Variants in TBC1D16 observed in about 807,000 individuals in gnomAD.
TBC1D16 encodes the protein CTD-2529O21.1.
TBC1D16 carries 58 observed loss-of-function variants against 74.7 expected under a neutral mutation model. The observed-to-expected ratio is 0.78, with a 90% CI of 0.63 to 0.97. The LOEUF is 0.97. TBC1D16 is among the 50% of genes least tolerant of loss of function. TBC1D16 has a pLI of 0.00. For missense variants in TBC1D16, 1,014 were observed against 1,079.5 expected (o/e 0.94, Z 0.85); for synonymous variants, 493 against 474.7 (o/e 1.04, Z -0.50).
In TBC1D16 at chr17:79,939,446, C is replaced by G. The variant is rs1205383241; in HGVS notation, c.*1413G>C. 1 of 152,224 alleles carries G rather than the reference C, an allele frequency of 6.6e-6. No individual in the cohort carries two copies. Among genetic ancestry groups the G allele is most frequent in the Admixed American group, 6.5e-5 (1 of 15,282 alleles). The allele number at this position is 152,224 out of a possible 1,614,324, so 9.4% of individuals were successfully genotyped here. ...GTGGCATGGCCCAGCAGTGCCCACCCTCCAGGGAGAAAAGCTTTGAGTGGG... is the reference window on the plus strand; with the variant it reads ...GTGGCATGGCCCAGCAGTGCCCACCGTCCAGGGAGAAAAGCTTTGAGTGGG... On this transcript the variant is annotated 3_prime_UTR_variant, in exon 12 of 12. Coordinates refer to ENST00000310924, the MANE Select transcript of TBC1D16 (RefSeq NM_019020.4).
rs1393317838 is a variant in TBC1D16 at position 79,942,119 on chromosome 17, T to C, written c.1996A>G (p.Met666Val). ...VIEQQLATDQ[M>V]LLHFGNLAMH... ...GCCAGGTTTCCGAAGTGCAGGAGCA[T>C]CTGGTCCGTGGCCAGCTGCTGCTCG... is the stretch of plus-strand genomic sequence containing the variant. Residue 666 changes from methionine (M) to valine (V), a missense_variant, in exon 11 of 12, where the codon ATG becomes GTG. Physicochemically the swap from Met to Val is conservative, Grantham distance 21 (BLOSUM62 1). Transcript: ENST00000310924. 3.7e-6 allele frequency: 6 copies of C among 1,611,928 alleles called. No homozygotes were observed. Among genetic ancestry groups the C allele is most frequent in the Non-Finnish European group, 5.1e-6 (6 of 1,179,586 alleles).
intron 7 of TBC1D16, among the ~76,000 whole-genome samples, chr17:79,949,454 G>T (rs1012623617): frequency 6.6e-6 from 1 of 152,236 alleles, no homozygotes; most frequent in African/African-American, 2.4e-5. Flanking sequence ...TGGGACGTCA[G>T]CGCCTAGTTA....
chr17:79,957,856 T>TAA (rs34391874), intron 3 of TBC1D16, among the ~76,000 whole-genome samples: 1 of 143,856 alleles, frequency 7.0e-6, no homozygotes, highest in African/African-American at 2.6e-5. Context: ...TAACATCTAT[T>TAA]AAAAAAAAAA....
In TBC1D16 at chr17:79,985,166, C is replaced by T. The variant is rs1434494509; in HGVS notation, c.779+24994G>A. Among the ~76,000 whole-genome samples the T allele has an allele frequency of 6.6e-6, 1 of 152,068 alleles. No homozygotes were observed. The highest frequency in any genetic ancestry group is 1.5e-5 in the Non-Finnish European group (1 of 68,022). ...GGTGCTCGTCCTGGATCCTGGAAGC[C>T]CCCAAGCCTGCAGCAGCATCACTCC... On this transcript the variant is annotated intron_variant, in intron 3 of 11. Transcript: ENST00000310924. The surrounding 1 kb of genome is among the most constrained non-coding windows in gnomAD (Gnocchi z 4.9).
Position 80,000,005 on chromosome 17 carries a change from A to G in TBC1D16, c.779+10155T>C, listed in dbSNP as rs1362646180. On this transcript the variant is annotated intron_variant, in intron 3 of 11. Coordinates refer to ENST00000310924, the MANE Select transcript of TBC1D16 (RefSeq NM_019020.4). This position sits in a 1 kb window ranked among gnomAD's most constrained non-coding sequence, Gnocchi z 4.1. Reference sequence around the variant, plus strand: ...GGCTGGGCCATGAGGAGCAACTGACATGACAGAAACAAGGAGTTTCTCAGG... The same window carrying G: ...GGCTGGGCCATGAGGAGCAACTGACGTGACAGAAACAAGGAGTTTCTCAGG... 6.6e-6 allele frequency among the ~76,000 whole-genome samples: 1 copy of G among 152,176 alleles called. No individual in the cohort carries two copies. Among genetic ancestry groups the G allele is most frequent in the Non-Finnish European group, 1.5e-5 (1 of 68,028 alleles).
At chr17:79,962,319 A>G (rs931128765) in intron 3 of TBC1D16, among the ~76,000 whole-genome samples, 1 of 144,626 alleles carries the variant, frequency 6.9e-6, no homozygotes, top group Non-Finnish European at 1.5e-5. Flanking sequence ...GACTCAAGCA[A>G]TTCTCCTGCC....
chr17:79,999,817 TA>T (rs1351027786), intron 3 of TBC1D16, among the ~76,000 whole-genome samples: 1 of 152,062 alleles, frequency 6.6e-6, no homozygotes, highest in Non-Finnish European at 1.5e-5. Context: ...GTGCTGGGAT[TA>T]CAGACCTGAG....
rs969581075 is a variant in TBC1D16, at chr17:79,980,592, T to C, written c.780-27774A>G. On this transcript the variant is annotated intron_variant, in intron 3 of 11. Coordinates refer to ENST00000310924, the MANE Select transcript of TBC1D16 (RefSeq NM_019020.4). This position sits in a 1 kb window ranked among gnomAD's most constrained non-coding sequence, Gnocchi z 7.0. The stretch of plus-strand genomic sequence containing the variant: ...ACTGTGGTGCAGACAGTGTAGGGAC[T>C]GGCGAAGAGACACAGTGGGTGGCAG... Among the ~76,000 whole-genome samples the C allele has an allele frequency of 1.3e-5, 2 of 152,126 alleles. No homozygotes were observed. The highest frequency in any genetic ancestry group is 2.4e-5 in the African/African-American group (1 of 41,410).
intron 7 of TBC1D16, 74 bp downstream of exon 7, chr17:79,949,643 C>T: frequency 1.9e-6 from 3 of 1,540,642 alleles, no homozygotes; most frequent in Non-Finnish European, 2.6e-6. Flanking sequence ...CTGAATTGCA[C>T]CTCAAATTGC....
At position 79,952,682 on chromosome 17, in the gene TBC1D16, T is replaced by C. The variant is rs771380419; in HGVS notation, c.916A>G (p.Met306Val). 2 of 1,602,850 alleles carry C rather than the reference T, an allele frequency of 1.2e-6. No homozygotes were observed. The highest frequency in any genetic ancestry group is 1.1e-5 in the South Asian group (1 of 90,668). The part of the protein sequence containing the change: ...CGVFRVDLGH[M>V]RSLRLFFSDE... ...CTGAAGAAAAGGCGGAGGGAGCGCA[T>C]GTGGCCCAGGTCCACGCGGAACACG... is the stretch of plus-strand genomic sequence containing the variant. The change falls in exon 4 of 12, where the codon ATG becomes GTG. Residue 306 changes from methionine (M) to valine (V), a missense_variant. By Grantham distance (21) the Met-to-Val change is conservative. Coordinates refer to ENST00000310924, the MANE Select transcript of TBC1D16 (RefSeq NM_019020.4).
rs137939108 is a variant in TBC1D16, at chr17:80,024,937, C to CA, written c.-63+10857_-63+10858insT. ...ACACCACACACCATAGACACACACA[C>CA]CACACACACCATAGACACACCACAC... On this transcript the variant is annotated intron_variant, in intron 1 of 11. Transcript: ENST00000310924. 5.0e-5 allele frequency among the ~76,000 whole-genome samples: 7 copies of CA among 140,804 alleles called. 1 individual carries two copies. The East Asian group carries it at 6.3e-4, about 13-fold the overall frequency. The allele number at this position is 140,804 out of a possible 152,430, so 92.4% of individuals were successfully genotyped here. A position where few individuals can be genotyped will look rare whatever the true frequency, so the allele number is the denominator to read the frequency against.
Position 79,980,743 on chromosome 17 carries a change from A to G in TBC1D16, c.780-27925T>C, listed in dbSNP as rs1448529404. 6.6e-6 allele frequency among the ~76,000 whole-genome samples: 1 copy of G among 152,184 alleles called. No individual in the cohort carries two copies. Among genetic ancestry groups the G allele is most frequent in the Non-Finnish European group, 1.5e-5 (1 of 68,030 alleles). Reference sequence around the variant, plus strand: ...TCGAACCGCCTCCGCGCACCCCAACAGCAGAGACGTAACGTGCAGGACTGA... The same window carrying G: ...TCGAACCGCCTCCGCGCACCCCAACGGCAGAGACGTAACGTGCAGGACTGA... On this transcript the variant is annotated intron_variant, in intron 3 of 11. Coordinates refer to ENST00000310924, the MANE Select transcript of TBC1D16 (RefSeq NM_019020.4). This position sits in a 1 kb window ranked among gnomAD's most constrained non-coding sequence, Gnocchi z 7.0.
chr17:80,034,088 G>A (rs11650664), intron 1 of TBC1D16, among the ~76,000 whole-genome samples: 35,848 of 152,158 alleles, frequency 0.24, 4,377 homozygotes, highest in African/African-American at 0.28. Flanking sequence ...CTGACTTCAT[G>A]AGCTTGTTTT....
chr17:80,003,757 T>C (rs374987843), intron 3 of TBC1D16, among the ~76,000 whole-genome samples: 9 of 152,170 alleles, frequency 5.9e-5, no homozygotes, highest in East Asian at 3.9e-4. Flanking sequence ...TATCCACATT[T>C]ATATTCATCA....
At chr17:80,019,991 G>C (rs1375836115) in intron 1 of TBC1D16, among the ~76,000 whole-genome samples, 2 of 149,848 alleles carry the variant, frequency 1.3e-5, no homozygotes, top group African/African-American at 5.1e-5. Context: ...TTATAGAGGT[G>C]ATCAAGTTAC....
In TBC1D16 at chr17:79,957,952, A is replaced by C. The variant is rs1007118527; in HGVS notation, c.780-5134T>G. 2.6e-5 allele frequency among the ~76,000 whole-genome samples: 4 copies of C among 152,230 alleles called. No individual in the cohort carries two copies. In the South Asian group the frequency reaches 8.3e-4, roughly 32 times the overall value. ...TCTTTAGTATGTAAAAAAGTATGTAAATTAAAAAGAAAAATATAAATGCCC... is the reference window on the plus strand; with the variant it reads ...TCTTTAGTATGTAAAAAAGTATGTACATTAAAAAGAAAAATATAAATGCCC... On this transcript the variant is annotated intron_variant, in intron 3 of 11. Transcript: ENST00000310924.
intron 3 of TBC1D16, among the ~76,000 whole-genome samples, chr17:79,995,054 C>T (rs1383848517): frequency 1.3e-5 from 2 of 152,106 alleles, no homozygotes; most frequent in African/African-American, 4.8e-5. Context: ...AATCCCAGCA[C>T]ATTGGGAGGC....
At chr17:79,957,265 T>G (rs2033381051) in intron 3 of TBC1D16, among the ~76,000 whole-genome samples, 1 of 152,150 alleles carries the variant, frequency 6.6e-6, no homozygotes, top group Non-Finnish European at 1.5e-5. Flanking sequence ...TGCCAAAACC[T>G]GGAAGCCACC....
chr17:80,024,759 A>G (rs1305503125), intron 1 of TBC1D16, among the ~76,000 whole-genome samples: 2 of 147,230 alleles, frequency 1.4e-5, no homozygotes, highest in Non-Finnish European at 3.0e-5. Flanking sequence ...CACACACTAC[A>G]TACACACCAT....
Sources: allele counts gnomAD v4.1 joint callset (sites outside exome capture counted in the v4.1 genomes callset), GRCh38; gene constraint gnomAD v4.1.1; non-coding constraint Gnocchi (gnomAD v3.1); transcripts MANE v1.5; gene names NCBI Gene and HGNC (gene_info 2026-07-23, HGNC 2026-07-21).